Variants in SLC43A3 observed in about 807,000 individuals in gnomAD.
The protein encoded by SLC43A3 is solute carrier family 43 member 3.
A neutral mutation model predicts 53.3 loss-of-function variants in SLC43A3; 33 were observed. That is an observed-to-expected ratio of 0.62 (90% confidence interval 0.47 to 0.83). SLC43A3 has a LOEUF of 0.83. Ranked by LOEUF, SLC43A3 falls within the 40% of genes least tolerant of loss-of-function variation. SLC43A3 has a pLI of 0.00. For synonymous variants in SLC43A3, 236 were observed against 246.2 expected, an observed-to-expected ratio of 0.96 and a Z score of 0.39; for missense variants, 530 against 610.0, an observed-to-expected ratio of 0.87 and a Z score of 1.38.
intron 7 of SLC43A3, 27 bp downstream of exon 7, chr11:57,420,945 G>C: frequency 6.9e-7 from 1 of 1,458,280 alleles, no homozygotes; most frequent in Non-Finnish European, 9.6e-7. Context: ...CAAGTGCCCA[G>C]TGAATGTAGG....
chr11:57,420,595 C>A (rs1381067262), intron 7 of SLC43A3, among the ~76,000 whole-genome samples: 1 of 152,212 alleles, frequency 6.6e-6, no homozygotes, highest in Non-Finnish European at 1.5e-5. Context: ...TAGCCACTTG[C>A]CACCTTCTTG....
In SLC43A3 at chr11:57,416,594, C is replaced by G. The variant is rs762274344; in HGVS notation, c.748G>C (p.Glu250Gln). 1.2e-6 allele frequency: 2 copies of G among 1,613,992 alleles called. No individual in the cohort carries two copies. Among genetic ancestry groups the G allele is most frequent in the South Asian group, 2.2e-5 (2 of 91,068 alleles). The part of the protein sequence containing the change: ...EHENRELQSK[E>Q]FLSAKEETPG... ...TCACCTTCCTTCGCTGAAAGGAACT[C>G]CTTTGACTGTAGCTCCCTGTTTTCA... The change falls in exon 9 of 14, where the codon GAG becomes CAG. Residue 250 changes from glutamate to glutamine, a missense_variant. This residue lies in a region of SLC43A3 where 376 missense variants were observed against 386.7 expected (regional missense o/e 0.97). Coordinates refer to ENST00000395124, the MANE Select transcript of SLC43A3 (RefSeq NM_199329.3).
chr11:57,414,949 A>G lies in SLC43A3; in HGVS notation c.927T>C (p.Gly309=), dbSNP rs781642636. The change falls in exon 10 of 14, where the codon GGT becomes GGC. Residue 309 remains glycine (G), a synonymous_variant. Coordinates refer to ENST00000395124, the MANE Select transcript of SLC43A3 (RefSeq NM_199329.3). The stretch of plus-strand genomic sequence containing the variant: ...ACCACATACCTCGTGCCATGTCCCC[A>G]CCGGCCATGTTGGTCAGCAAGGAGT... ...TLNSLLTNMA[G]GDMARVSTYT... is the part of the protein sequence containing the mutation. The G allele has an allele frequency of 5.6e-6, 9 of 1,612,966 alleles. No homozygotes were observed. In the Admixed American group the frequency reaches 1.0e-4, roughly 18 times the overall value.
intron 9 of SLC43A3, among the ~76,000 whole-genome samples, chr11:57,416,114 G>C (rs961832979): frequency 6.6e-6 from 1 of 152,074 alleles, no homozygotes; most frequent in Non-Finnish European, 1.5e-5. Flanking sequence ...CTCCCACCCC[G>C]TTCTTATTTC....
intron 5 of SLC43A3, among the ~76,000 whole-genome samples, chr11:57,421,754 C>T (rs530743477): frequency 4.6e-5 from 7 of 152,366 alleles, no homozygotes; most frequent in South Asian, 2.1e-4. Context: ...TGGCTCAACC[C>T]TCTAGCCCAT....
intron 4 of SLC43A3, 124 bp from the exon 5 acceptor site, chr11:57,424,152 A>T: frequency 1.1e-6 from 1 of 904,842 alleles, no homozygotes; most frequent in Non-Finnish European, 1.8e-6. Context: ...CTGGGATGCA[A>T]CGGGCACTGA....
intron 7 of SLC43A3, among the ~76,000 whole-genome samples, chr11:57,419,510 G>A (rs1253361896): frequency 6.6e-6 from 1 of 152,104 alleles, no homozygotes; most frequent in Non-Finnish European, 1.5e-5. Flanking sequence ...AGAGAGACAG[G>A]AGAGAGGCTG....
intron 5 of SLC43A3, among the ~76,000 whole-genome samples, chr11:57,421,615 G>A (rs1324444975): frequency 6.6e-6 from 1 of 152,124 alleles, no homozygotes; most frequent in East Asian, 1.9e-4. Context: ...TCTGTGGCAG[G>A]CCAGGAAGTC....
At chr11:57,414,856 G>A (rs1464215913) in intron 10 of SLC43A3, 77 bp downstream of exon 10, 2 of 1,568,850 alleles carry the variant, frequency 1.3e-6, no homozygotes, top group Non-Finnish European at 1.8e-6. Context: ...CTCCTCTGGT[G>A]TGTACAGCCC....
chr11:57,411,071 C>A (rs1033116505), intron 11 of SLC43A3, among the ~76,000 whole-genome samples: 16 of 152,136 alleles, frequency 1.1e-4, no homozygotes, highest in East Asian at 7.7e-4. Flanking sequence ...CATGTATATA[C>A]ACCTACACAA....
At chr11:57,421,549 A>G (rs1942989886) in intron 5 of SLC43A3, among the ~76,000 whole-genome samples, 176 bp from the exon 6 acceptor site, 2 of 152,120 alleles carry the variant, frequency 1.3e-5, no homozygotes, top group Admixed American at 6.5e-5. Context: ...GCTTCCCCAG[A>G]TATCTCTGTG....
chr11:57,425,410 G>A (rs1943168278), intron 4 of SLC43A3, 131 bp downstream of exon 4: 2 of 895,160 alleles, frequency 2.2e-6, no homozygotes, highest in Non-Finnish European at 3.5e-6. Flanking sequence ...AACAGCTGCT[G>A]GGAGCGAGCT....
At position 57,425,669 on chromosome 11, in the gene SLC43A3, G is replaced by A. The variant is rs1412573682; in HGVS notation, c.186C>T (p.Asp62=). Residue 62 remains aspartate, a splice_region_variant and synonymous_variant, in exon 4 of 14, where the codon GAC becomes GAT. Transcript: ENST00000395124. ...GPIGNATGQA[D]CKAQDERFSL... ...AGAACCTCTCATCCTGGGCTTTGCA[G>A]TCTGGAGTAGAAAAAAGGTCTCCCA... The A allele has an allele frequency of 1.2e-6, 2 of 1,613,912 alleles. No homozygotes were observed. The highest frequency in any genetic ancestry group is 1.7e-6 in the Non-Finnish European group (2 of 1,180,006).
intron 9 of SLC43A3, chr11:57,415,315 C>T (rs1942669426): frequency 6.6e-7 from 1 of 1,521,396 alleles, no homozygotes. Context: ...CCTTGGATGA[C>T]CCTCTGTGTT....
At chr11:57,414,834 C>T in intron 10 of SLC43A3, 99 bp downstream of exon 10, 2 of 1,539,760 alleles carry the variant, frequency 1.3e-6, no homozygotes, top group Non-Finnish European at 1.8e-6. Context: ...CTCCTCCCCA[C>T]ACCATCAGAC....
chr11:57,422,737 C>A (rs562567098), intron 5 of SLC43A3, among the ~76,000 whole-genome samples: 3 of 152,100 alleles, frequency 2.0e-5, no homozygotes, highest in Non-Finnish European at 4.4e-5. Flanking sequence ...TTTGCAGGCA[C>A]GAGTCAAACA....
At position 57,426,328 on chromosome 11, in the gene SLC43A3, C is replaced by T. The variant is rs1228488594; in HGVS notation, c.-156G>A. On this transcript the variant is annotated 5_prime_UTR_variant, in exon 3 of 14. Coordinates refer to ENST00000395124, the MANE Select transcript of SLC43A3 (RefSeq NM_199329.3). Reference sequence around the variant, plus strand: ...TGGTTGTTTCAGGCCTGGGCAAAAACCATCAGCGGGTGATTCTCTGGATCC... The same window carrying T: ...TGGTTGTTTCAGGCCTGGGCAAAAATCATCAGCGGGTGATTCTCTGGATCC... 7.8e-6 allele frequency: 5 copies of T among 642,596 alleles called. No individual in the cohort carries two copies. The highest frequency in any genetic ancestry group is 1.3e-5 in the Non-Finnish European group (5 of 376,240). The allele number at this position is 642,596 out of a possible 1,614,324, so 39.8% of individuals were successfully genotyped here. A position where few individuals can be genotyped will look rare whatever the true frequency, so the allele number is the denominator to read the frequency against.
At chr11:57,409,517 AGGACCC>A (rs1942354011) in intron 12 of SLC43A3, among the ~76,000 whole-genome samples, 1 of 152,244 alleles carries the variant, frequency 6.6e-6, no homozygotes, top group African/African-American at 2.4e-5. Flanking sequence ...AAAAACAGAC[AGGACCC>A]TCATGCAGGC....
At chr11:57,421,607 T>C (rs1942991782) in intron 5 of SLC43A3, among the ~76,000 whole-genome samples, 1 of 152,184 alleles carries the variant, frequency 6.6e-6, no homozygotes, top group Non-Finnish European at 1.5e-5. Context: ...GTCCTCAGTC[T>C]GTGGCAGGCC....
Sources: gnomAD v4.1 joint callset for allele counts (sites outside exome capture counted in the v4.1 genomes callset) on GRCh38, gnomAD v4.1.1 for gene constraint, gnomAD v4.1.1 regional missense constraint, MANE v1.5 for transcripts, NCBI Gene and HGNC (gene_info 2026-07-23, HGNC 2026-07-21) for gene names.